The following CLMN variants were observed in gnomAD, a reference collection of about 807,000 sequenced individuals.
CLMN encodes the protein calmin.
Under a neutral mutation model 92.7 loss-of-function variants are expected in CLMN, and 57 were observed. That is an observed-to-expected ratio of 0.61 (90% CI 0.50 to 0.77). CLMN has a LOEUF of 0.77. CLMN is among the 30% of genes least tolerant of loss of function. The probability of loss-of-function intolerance (pLI) is 0.00; values close to 1 mark genes in which losing one functional copy is unlikely to be tolerated. For missense variants in CLMN, 1,158 were observed against 1,237.5 expected (o/e 0.94, Z 0.96); for synonymous variants, 466 against 470.6 (o/e 0.99, Z 0.13).
At chr14:95,279,627 C>CA (rs1381289727) in intron 1 of CLMN, among the ~76,000 whole-genome samples, 1 of 152,134 alleles carries the variant, frequency 6.6e-6, no homozygotes, top group African/African-American at 2.4e-5. Flanking sequence ...ACTAAAAATA[C>CA]AAAAAATTAG....
At chr14:95,266,589 GAATT>G (rs1899483907) in intron 1 of CLMN, among the ~76,000 whole-genome samples, 1 of 152,126 alleles carries the variant, frequency 6.6e-6, no homozygotes, top group African/African-American at 2.4e-5. Flanking sequence ...TGGATTGGAA[GAATT>G]AATATATTAA....
rs149546030 is a variant in CLMN at position 95,294,426 on chromosome 14, C to T, written c.82+25285G>A. On this transcript the variant is annotated intron_variant, in intron 1 of 12. Transcript: ENST00000298912. The surrounding 1 kb of genome is among the most constrained non-coding windows in gnomAD (Gnocchi z 4.2). ...AGAACGTGTGCTTGTCTGGCATGCA[C>T]GGGGCAGGCCTTGCACCCAGTCTGG... Among the ~76,000 whole-genome samples, 582 of 152,266 alleles carry T rather than the reference C, an allele frequency of 3.8e-3. 4 individuals carry two copies. Among genetic ancestry groups the T allele is most frequent in the African/African-American group, 0.013 (550 of 41,552 alleles).
chr14:95,239,847 A>G (rs145869641), intron 1 of CLMN, among the ~76,000 whole-genome samples: 2 of 152,362 alleles, frequency 1.3e-5, no homozygotes, highest in Non-Finnish European at 2.9e-5. Context: ...TGTGCCATAT[A>G]ATGACATTTC....
chr14:95,235,243 G>C (rs1213214572), intron 1 of CLMN, among the ~76,000 whole-genome samples: 1 of 152,162 alleles, frequency 6.6e-6, no homozygotes, highest in Admixed American at 6.5e-5. Context: ...ATGAGCCTCT[G>C]GGATGACAAT....
In CLMN at chr14:95,191,438, G is replaced by A. The variant is rs1896557668; in HGVS notation, c.*126C>T. On this transcript the variant is annotated 3_prime_UTR_variant, in exon 13 of 13. Transcript: ENST00000298912. The surrounding 1 kb of genome is among the most constrained non-coding windows in gnomAD (Gnocchi z 5.3). ...AAAAAAAAACCACAATAGCGAGAAAGGGGGTCTAAGTTTCCTCGGAGGTCC... is the reference window on the plus strand; with the variant it reads ...AAAAAAAAACCACAATAGCGAGAAAAGGGGTCTAAGTTTCCTCGGAGGTCC... 4 of 546,494 alleles carry A rather than the reference G, an allele frequency of 7.3e-6. No individual in the cohort carries two copies. Among genetic ancestry groups the A allele is most frequent in the Non-Finnish European group, 1.2e-5 (4 of 345,344 alleles). 33.9% of individuals were successfully genotyped at this position (546,494 alleles called of 1,614,324 possible). A position where few individuals can be genotyped will look rare whatever the true frequency, so the allele number is the denominator to read the frequency against.
chr14:95,261,149 G>A (rs560318891), intron 1 of CLMN, among the ~76,000 whole-genome samples: 2 of 149,504 alleles, frequency 1.3e-5, no homozygotes, highest in East Asian at 2.0e-4. Flanking sequence ...CTGACTGGGG[G>A]CTGTTTTAAA....
At chr14:95,288,697 A>G (rs1166426838) in intron 1 of CLMN, among the ~76,000 whole-genome samples, 1 of 152,168 alleles carries the variant, frequency 6.6e-6, no homozygotes, top group East Asian at 1.9e-4. Flanking sequence ...TGATTCCACA[A>G]TTCCACCCCT....
At chr14:95,278,355 T>C (rs1308562084) in intron 1 of CLMN, among the ~76,000 whole-genome samples, 1 of 152,240 alleles carries the variant, frequency 6.6e-6, no homozygotes. Flanking sequence ...TTTCTCTTCT[T>C]GGATCTTATT....
intron 1 of CLMN, among the ~76,000 whole-genome samples, chr14:95,269,564 C>T (rs1226478155): frequency 4.6e-5 from 7 of 152,174 alleles, no homozygotes; most frequent in Non-Finnish European, 8.8e-5. Flanking sequence ...CATATTTGGC[C>T]TTTTGAGTCT....
chr14:95,272,895 C>T (rs1469535378), intron 1 of CLMN, among the ~76,000 whole-genome samples: 1 of 152,188 alleles, frequency 6.6e-6, no homozygotes, highest in Admixed American at 6.5e-5. Context: ...TTGCATGGTT[C>T]AAAATTCCAA....
chr14:95,265,003 T>C (rs1375223918), intron 1 of CLMN, among the ~76,000 whole-genome samples: 1 of 151,510 alleles, frequency 6.6e-6, no homozygotes, highest in Admixed American at 6.6e-5. Flanking sequence ...TCCTAGCACT[T>C]TGAGAGGCCA....
intron 1 of CLMN, among the ~76,000 whole-genome samples, chr14:95,241,877 C>T (rs1213969884): frequency 6.6e-6 from 1 of 152,130 alleles, no homozygotes; most frequent in Non-Finnish European, 1.5e-5. Flanking sequence ...CGCACACTCT[C>T]GCCGTAATGT....
chr14:95,193,791 G>A, intron 12 of CLMN, 58 bp downstream of exon 12: 13 of 1,602,312 alleles, frequency 8.1e-6, no homozygotes, highest in Admixed American at 1.7e-5. Flanking sequence ...AAGGCAGGCT[G>A]CAGAATGTAA....
At chr14:95,218,398 C>T (rs1897420492) in intron 4 of CLMN, among the ~76,000 whole-genome samples, 1 of 152,228 alleles carries the variant, frequency 6.6e-6, no homozygotes, top group Admixed American at 6.5e-5. Context: ...GGCATAAACA[C>T]TGTGCTCTGT....
rs190586816 is a variant in CLMN at position 95,254,006 on chromosome 14, G to A, written c.83-23873C>T. On this transcript the variant is annotated intron_variant, in intron 1 of 12. Transcript: ENST00000298912. ...GAATCTGTATGTTTAATAGCTCACT[G>A]TGGGCCAATTCTACCCATGGGCAGA... is the stretch of plus-strand genomic sequence containing the variant. 3.3e-5 allele frequency among the ~76,000 whole-genome samples: 5 copies of A among 152,328 alleles called. No individual in the cohort carries two copies. In the East Asian group the frequency reaches 9.6e-4, roughly 29 times the overall value.
In CLMN at chr14:95,204,355, C is replaced by T; in HGVS notation, c.994G>A (p.Gly332Arg). Residue 332 changes from glycine (G) to arginine (R), a missense_variant, in exon 9 of 13, where the codon GGG (glycine) becomes AGG (arginine). Coordinates refer to ENST00000298912, the MANE Select transcript of CLMN (RefSeq NM_024734.4). ...ESKVFVLTEN[G>R]ERTYTVNHET... ...TGGTTAACAGTGTAGGTACGCTCCC[C>T]ATTTTCAGTCAGAACGAAGACTTTG... 6.2e-7 allele frequency: 1 copy of T among 1,614,076 alleles called. No homozygotes were observed. The highest frequency in any genetic ancestry group is 8.5e-7 in the Non-Finnish European group (1 of 1,179,998).
At chr14:95,224,111 G>C (rs1026637371) in intron 2 of CLMN, among the ~76,000 whole-genome samples, 1 of 152,154 alleles carries the variant, frequency 6.6e-6, no homozygotes, top group African/African-American at 2.4e-5. Context: ...GTGGCCCTTG[G>C]GGGCCCTTCA....
At chr14:95,246,241 G>A (rs1898565839) in intron 1 of CLMN, among the ~76,000 whole-genome samples, 1 of 152,088 alleles carries the variant, frequency 6.6e-6, no homozygotes, top group African/African-American at 2.4e-5. Context: ...AATTACCTCA[G>A]GGCCAGGCCA....
chr14:95,242,242 TTC>T (rs1313295909), intron 1 of CLMN, among the ~76,000 whole-genome samples: 1 of 147,684 alleles, frequency 6.8e-6, no homozygotes. Flanking sequence ...CTTTTCTTTT[TTC>T]TTTTTCTTTT....
Sources: gnomAD v4.1 joint callset for allele counts (sites outside exome capture counted in the v4.1 genomes callset) on GRCh38, gnomAD v4.1.1 for gene constraint, Gnocchi (gnomAD v3.1) non-coding constraint, MANE v1.5 for transcripts, NCBI Gene and HGNC (gene_info 2026-07-23, HGNC 2026-07-21) for gene names.